Variants in NAV3 observed in about 807,000 individuals in gnomAD.
The protein encoded by NAV3 is neuron navigator 3.
Under a neutral mutation model 244.7 loss-of-function variants are expected in NAV3, and 87 were observed. The ratio of observed to expected loss-of-function variants is 0.36; its 90% CI spans 0.30 to 0.42. The LOEUF (loss-of-function observed/expected upper bound fraction) is 0.42. Among genes scored for constraint, NAV3 ranks in the 20% least tolerant of loss-of-function variants. NAV3 has a pLI of 1.00. For synonymous variants in NAV3, 1,126 were observed against 1,042.2 expected (o/e 1.08, Z -1.55); for missense variants, 2,663 against 2,893.3 (o/e 0.92, Z 1.83).
At chr12:77,945,127 A>AT (rs1485234717) in intron 3 of NAV3, among the ~76,000 whole-genome samples, 1 of 149,166 alleles carries the variant, frequency 6.7e-6, no homozygotes, top group Admixed American at 6.7e-5. Context: ...TAGAGAAAAA[A>AT]AAAAAATAAA....
intron 1 of NAV3, among the ~76,000 whole-genome samples, chr12:77,867,650 G>C (rs547819739): frequency 1.3e-5 from 2 of 152,220 alleles, no homozygotes; most frequent in Non-Finnish European, 2.9e-5. Context: ...TCGATCTCCT[G>C]ACCTTGTCAT....
At chr12:77,952,790 TA>T (rs1391147251) in intron 3 of NAV3, among the ~76,000 whole-genome samples, 1 of 152,160 alleles carries the variant, frequency 6.6e-6, no homozygotes, top group Non-Finnish European at 1.5e-5. Context: ...GGCAGGGATA[TA>T]AACTCTCGTG....
chr12:77,873,297 G>A (rs972815389), intron 1 of NAV3, among the ~76,000 whole-genome samples: 1 of 151,900 alleles, frequency 6.6e-6, no homozygotes, highest in Non-Finnish European at 1.5e-5. Context: ...TTACTTTTTA[G>A]TATATTAGTA....
chr12:78,107,985 T>C (rs1365576111), intron 12 of NAV3, among the ~76,000 whole-genome samples: 1 of 152,112 alleles, frequency 6.6e-6, no homozygotes, highest in Non-Finnish European at 1.5e-5. Context: ...TGAATGTAAA[T>C]GAATTACATT....
chr12:77,667,414 C>T (rs972042858), intron 2 of NAV3, among the ~76,000 whole-genome samples: 8 of 152,080 alleles, frequency 5.3e-5, no homozygotes, highest in African/African-American at 1.4e-4. Context: ...TCGGGCATGG[C>T]GGGAGTAAGA....
At chr12:77,823,379 A>G (rs112387144) in intron 2 of NAV3, among the ~76,000 whole-genome samples, 2 of 152,296 alleles carry the variant, frequency 1.3e-5, no homozygotes, top group African/African-American at 4.8e-5. Context: ...TGTTTCTTCT[A>G]ATCTTTGACA....
At chr12:77,869,285 T>C (rs889135480) in intron 1 of NAV3, among the ~76,000 whole-genome samples, 6 of 152,108 alleles carry the variant, frequency 3.9e-5, no homozygotes, top group Non-Finnish European at 7.3e-5. Flanking sequence ...TCTCGAGAGA[T>C]AGTAAGTAAA....
At chr12:77,693,864 G>A (rs1263418059) in intron 2 of NAV3, among the ~76,000 whole-genome samples, 1 of 151,928 alleles carries the variant, frequency 6.6e-6, no homozygotes, top group African/African-American at 2.4e-5. Flanking sequence ...CATTTTTAAT[G>A]TTCTTCATAT....
chr12:77,654,136 C>T (rs113449186), intron 2 of NAV3, among the ~76,000 whole-genome samples: 7,390 of 88,248 alleles, frequency 0.084, 184 homozygotes, highest in African/African-American at 0.11. Flanking sequence ...GTGCGTGAGC[C>T]GAAGCAGGGC....
intron 12 of NAV3, among the ~76,000 whole-genome samples, chr12:78,102,765 A>C (rs548153688): frequency 6.6e-6 from 1 of 152,216 alleles, no homozygotes; most frequent in Non-Finnish European, 1.5e-5. Context: ...ACCACGTGGA[A>C]GCTGCCAAGG....
intron 2 of NAV3, among the ~76,000 whole-genome samples, chr12:77,662,015 T>C (rs559795896): frequency 3.9e-4 from 58 of 148,650 alleles, no homozygotes; most frequent in African/African-American, 1.5e-3. Flanking sequence ...TTCAAAATTA[T>C]TTTAACTATT....
At chr12:78,070,210 G>C (rs943077507) in intron 12 of NAV3, among the ~76,000 whole-genome samples, 1 of 151,938 alleles carries the variant, frequency 6.6e-6, no homozygotes, top group Non-Finnish European at 1.5e-5. Flanking sequence ...TTGAATATTT[G>C]GTTGGTGCCA....
At chr12:78,113,965 C>T (rs1320732983) in intron 12 of NAV3, among the ~76,000 whole-genome samples, 1 of 152,152 alleles carries the variant, frequency 6.6e-6, no homozygotes, top group Non-Finnish European at 1.5e-5. Context: ...ATATCTTGAA[C>T]ACTTTGCTTC....
At chr12:77,580,966 A>G (rs1055012588) in intron 2 of NAV3, among the ~76,000 whole-genome samples, 2 of 152,218 alleles carry the variant, frequency 1.3e-5, no homozygotes, top group Non-Finnish European at 2.9e-5. Context: ...TAGCATAGCT[A>G]TAGTTCCCCT....
chr12:77,617,600 G>C (rs769780697), intron 2 of NAV3, among the ~76,000 whole-genome samples: 17 of 152,180 alleles, frequency 1.1e-4, no homozygotes, highest in Non-Finnish European at 2.5e-4. Flanking sequence ...AATGATTTCA[G>C]GGCGGCCAAG....
chr12:77,926,799 C>A (rs1888267368), intron 1 of NAV3, among the ~76,000 whole-genome samples: 1 of 152,100 alleles, frequency 6.6e-6, no homozygotes. Flanking sequence ...TGGTCAAGAA[C>A]CTGCATTTTG....
At chr12:78,096,483 T>C (rs963608694) in intron 12 of NAV3, among the ~76,000 whole-genome samples, 4 of 152,174 alleles carry the variant, frequency 2.6e-5, no homozygotes, top group African/African-American at 9.7e-5. Context: ...GAGTAATTTA[T>C]GAAGGAAAGA....
At chr12:77,887,548 A>C (rs571680789) in intron 1 of NAV3, among the ~76,000 whole-genome samples, 1 of 152,296 alleles carries the variant, frequency 6.6e-6, no homozygotes, top group Non-Finnish European at 1.5e-5. Flanking sequence ...ATGATAACAA[A>C]GGCAATATCT....
At chr12:77,937,943 T>A (rs1889479922) in intron 1 of NAV3, among the ~76,000 whole-genome samples, 1 of 152,126 alleles carries the variant, frequency 6.6e-6, no homozygotes, top group Non-Finnish European at 1.5e-5. Flanking sequence ...ATAATGTAAG[T>A]ATTATTTTTC....
Sources: allele counts gnomAD v4.1 joint callset (sites outside exome capture counted in the v4.1 genomes callset), GRCh38; gene constraint gnomAD v4.1.1; transcripts MANE v1.5; gene names NCBI Gene and HGNC (gene_info 2026-07-23, HGNC 2026-07-21).